Variants in SND1 observed in about 807,000 individuals in gnomAD.
SND1 encodes staphylococcal nuclease and tudor domain containing 1, also known as staphylococcal nuclease domain-containing protein 1.
Under a neutral mutation model 121.7 loss-of-function variants are expected in SND1, and 38 were observed. The ratio of observed to expected loss-of-function variants is 0.31; its 90% CI spans 0.24 to 0.41. The LOEUF (loss-of-function observed/expected upper bound fraction) is 0.41. Ranked by LOEUF, SND1 falls within the 10% of genes least tolerant of loss-of-function variation. The pLI is 1.00. For synonymous variants in SND1, 401 were observed against 447.4 expected, an observed-to-expected ratio of 0.90 and a Z score of 1.31; for missense variants, 868 against 1,184.6, an observed-to-expected ratio of 0.73 and a Z score of 3.92.
At chr7:127,844,446 G>GA (rs1363488150) in intron 12 of SND1, 22 bp downstream of exon 12, 1 of 1,578,846 alleles carries the variant, frequency 6.3e-7, no homozygotes, top group South Asian at 1.1e-5. Flanking sequence ...GGCTGGCATG[G>GA]ACTCAGCTGT....
In SND1 at chr7:127,920,252, T is replaced by G. The variant is rs943023872; in HGVS notation, c.1528-8936T>G. Among the ~76,000 whole-genome samples the G allele has an allele frequency of 4.6e-5, 7 of 152,326 alleles. No homozygotes were observed. The East Asian group carries it at 1.4e-3, about 29-fold the overall frequency. On this transcript the variant is annotated intron_variant, in intron 14 of 23. Transcript: ENST00000354725. ...AAGACATTTTGTCTATGAAATAGTT[T>G]ATAGTTTTTTGTTTGTTTGTTAAAC...
chr7:127,678,564 C>A (rs5887352), intron 1 of SND1, among the ~76,000 whole-genome samples: 5 of 149,466 alleles, frequency 3.3e-5, no homozygotes, highest in Admixed American at 2.0e-4. Context: ...AGGAAAAAAA[C>A]CAAAAAGCAA....
chr7:127,934,682 G>A (rs1801021755), intron 15 of SND1, among the ~76,000 whole-genome samples: 1 of 152,160 alleles, frequency 6.6e-6, no homozygotes, highest in African/African-American at 2.4e-5. Context: ...AGATTGAGAT[G>A]TCCACAATTA....
chr7:127,767,087 G>A (rs934644155), intron 10 of SND1, among the ~76,000 whole-genome samples: 1 of 151,920 alleles, frequency 6.6e-6, no homozygotes, highest in African/African-American at 2.4e-5. Context: ...AAAGTGGCTA[G>A]CTTGCAAAAC....
At chr7:127,718,853 G>A (rs1796438952) in intron 9 of SND1, 1 of 606,432 alleles carries the variant, frequency 1.6e-6, no homozygotes. Flanking sequence ...CTTGATTATA[G>A]GAATTTCCTT....
chr7:127,894,056 T>G (rs958884683), intron 13 of SND1, among the ~76,000 whole-genome samples: 1 of 152,088 alleles, frequency 6.6e-6, no homozygotes, highest in Non-Finnish European at 1.5e-5. Context: ...GTCACAGACT[T>G]TAGTCAAAAA....
intron 2 of SND1, 195 bp from the exon 3 acceptor site, chr7:127,694,633 C>T (rs1795976297): frequency 5.4e-6 from 3 of 557,474 alleles, no homozygotes; most frequent in Admixed American, 3.5e-5. Flanking sequence ...AACTGCTGGA[C>T]CCTCCTTTTT....
intron 14 of SND1, among the ~76,000 whole-genome samples, chr7:127,912,074 A>G (rs2116781028): frequency 6.6e-6 from 1 of 152,206 alleles, no homozygotes; most frequent in Admixed American, 6.5e-5. Flanking sequence ...TCAACCTCCC[A>G]AGTAACTGGG....
At chr7:127,821,043 C>T (rs79114315) in intron 11 of SND1, among the ~76,000 whole-genome samples, 2 of 152,304 alleles carry the variant, frequency 1.3e-5, no homozygotes, top group East Asian at 3.9e-4. Flanking sequence ...GCCTTGGATC[C>T]TCCCGAATGA....
At chr7:128,036,766 C>T (rs1205308719) in intron 16 of SND1, among the ~76,000 whole-genome samples, 1 of 152,186 alleles carries the variant, frequency 6.6e-6, no homozygotes, top group Non-Finnish European at 1.5e-5. Flanking sequence ...TGCATGTGGT[C>T]TAGCCACAGT....
chr7:127,656,574 C>T (rs1236991279), intron 1 of SND1, among the ~76,000 whole-genome samples: 1 of 152,104 alleles, frequency 6.6e-6, no homozygotes, highest in Non-Finnish European at 1.5e-5. Flanking sequence ...CTCGGCCTCC[C>T]AAAGTGCTGG....
At chr7:127,699,305 C>G (rs766524475) in intron 4 of SND1, among the ~76,000 whole-genome samples, 19 of 152,262 alleles carry the variant, frequency 1.2e-4, no homozygotes, top group Admixed American at 8.5e-4. Context: ...TTTCTAGGCA[C>G]TGAGAATATA....
At chr7:127,977,074 C>T (rs563513185) in intron 15 of SND1, among the ~76,000 whole-genome samples, 2 of 152,300 alleles carry the variant, frequency 1.3e-5, no homozygotes, top group African/African-American at 2.4e-5. Flanking sequence ...CCACACCCCT[C>T]CCCCGTTTAT....
chr7:127,925,920 T>TC (rs1426405903), intron 14 of SND1, among the ~76,000 whole-genome samples: 2 of 151,932 alleles, frequency 1.3e-5, no homozygotes, highest in African/African-American at 4.8e-5. Flanking sequence ...TTTTCTTTTT[T>TC]TTTTTAAGAG....
At chr7:127,831,749 G>GT (rs1282327913) in intron 11 of SND1, among the ~76,000 whole-genome samples, 1 of 152,078 alleles carries the variant, frequency 6.6e-6, no homozygotes, top group Admixed American at 6.5e-5. Flanking sequence ...GCTGTTTTTT[G>GT]TTTTTAAAGG....
At chr7:128,041,974 G>A (rs1015410389) in intron 16 of SND1, among the ~76,000 whole-genome samples, 4 of 152,158 alleles carry the variant, frequency 2.6e-5, no homozygotes, top group Admixed American at 6.5e-5. Flanking sequence ...GTTCTGATGG[G>A]GGGTGCTAAA....
intron 16 of SND1, among the ~76,000 whole-genome samples, chr7:128,043,712 A>G (rs1013798490): frequency 2.6e-5 from 4 of 151,576 alleles, no homozygotes; most frequent in Non-Finnish European, 2.9e-5. Context: ...CAGCTACCAG[A>G]TGTTCAGGAG....
intron 10 of SND1, among the ~76,000 whole-genome samples, chr7:127,738,216 C>T (rs181323101): frequency 6.6e-6 from 1 of 152,080 alleles, no homozygotes; most frequent in East Asian, 1.9e-4. Context: ...ATTGATTACT[C>T]CTAGTGCATT....
At chr7:127,988,426 A>G (rs763829449) in intron 15 of SND1, among the ~76,000 whole-genome samples, 1 of 152,258 alleles carries the variant, frequency 6.6e-6, no homozygotes, top group Non-Finnish European at 1.5e-5. Flanking sequence ...GCAACGTAAC[A>G]AAGGCCCTTC....
Sources: gnomAD v4.1 joint callset for allele counts (sites outside exome capture counted in the v4.1 genomes callset) on GRCh38, gnomAD v4.1.1 for gene constraint, MANE v1.5 for transcripts, NCBI Gene and HGNC (gene_info 2026-07-23, HGNC 2026-07-21) for gene names.